The following CSMD1 variants were observed in gnomAD, a reference collection of about 807,000 sequenced individuals.
CSMD1 encodes the protein CUB and Sushi multiple domains 1.
Under a neutral mutation model 417.5 loss-of-function variants are expected in CSMD1, and 213 were observed. The observed-to-expected ratio is 0.51, with a 90% CI of 0.46 to 0.57. The LOEUF is 0.57. Ranked by LOEUF, CSMD1 falls within the 20% of genes least tolerant of loss-of-function variation. The probability of loss-of-function intolerance (pLI) is 0.00; values close to 1 mark genes in which losing one functional copy is unlikely to be tolerated. For missense variants in CSMD1, 6,923 were observed against 4,529.7 expected (o/e 1.53, Z -15.17); for synonymous variants, 2,862 against 1,736.8 (o/e 1.65, Z -16.11).
intron 2 of CSMD1, among the ~76,000 whole-genome samples, chr8:4,522,302 C>A (rs533114990): frequency 6.6e-6 from 1 of 152,176 alleles, no homozygotes; most frequent in Non-Finnish European, 1.5e-5. Context: ...AATTGTGAGG[C>A]CTCCCCAGCC....
At chr8:3,239,868 C>A (rs11136591) in intron 26 of CSMD1, among the ~76,000 whole-genome samples, 9,436 of 151,976 alleles carry the variant, frequency 0.062, 475 homozygotes, top group East Asian at 0.21. Flanking sequence ...GTGTGGTATC[C>A]AGAATAATGT....
Position 3,106,565 on chromosome 8 carries a change from G to T in CSMD1, c.6912C>A (p.Ser2304=), listed in dbSNP as rs1816162923. 6.2e-7 allele frequency: 1 copy of T among 1,613,692 alleles called. No individual in the cohort carries two copies. Among genetic ancestry groups the T allele is most frequent in the Non-Finnish European group, 8.5e-7 (1 of 1,179,780 alleles). ...GTDILTCKLS[S]QLQFEGSLPT... is the part of the protein sequence containing the mutation. The stretch of plus-strand genomic sequence containing the variant: ...GGAGAGAACCCTCAAACTGCAACTG[G>T]GAACTGAGCTTGCAAGTCAGAATGT... Residue 2304 remains serine, a synonymous_variant, in exon 46 of 70, where the codon TCC becomes TCA. Transcript: ENST00000635120.
At chr8:3,630,145 G>C (rs1315062585) in intron 7 of CSMD1, among the ~76,000 whole-genome samples, 1 of 152,200 alleles carries the variant, frequency 6.6e-6, no homozygotes, top group Non-Finnish European at 1.5e-5. Context: ...TCAACATCCA[G>C]TCAGTGAAAT....
At chr8:4,648,642 T>G (rs1466762174) in intron 1 of CSMD1, among the ~76,000 whole-genome samples, 1 of 152,210 alleles carries the variant, frequency 6.6e-6, no homozygotes, top group Non-Finnish European at 1.5e-5. Flanking sequence ...ACCATTTACG[T>G]TGCTCATTTC....
chr8:3,701,372 G>C (rs902407482), intron 7 of CSMD1, among the ~76,000 whole-genome samples: 1 of 152,070 alleles, frequency 6.6e-6, no homozygotes, highest in African/African-American at 2.4e-5. Context: ...CTTTGTCTCA[G>C]CTTCTACAGA....
chr8:4,910,413 A>T (rs1797572261), intron 1 of CSMD1, among the ~76,000 whole-genome samples: 1 of 152,224 alleles, frequency 6.6e-6, no homozygotes. Flanking sequence ...TTTATTTTTC[A>T]CATTCTGGAG....
chr8:4,930,951 G>T (rs1024506692), intron 1 of CSMD1, among the ~76,000 whole-genome samples: 2 of 152,102 alleles, frequency 1.3e-5, no homozygotes, highest in African/African-American at 4.8e-5. Flanking sequence ...GAAATTTACA[G>T]AAGCTTATGG....
At chr8:3,562,954 T>A (rs974958767) in intron 10 of CSMD1, among the ~76,000 whole-genome samples, 1 of 152,056 alleles carries the variant, frequency 6.6e-6, no homozygotes, top group Admixed American at 6.6e-5. Context: ...ATTTAGTAAT[T>A]ATTTTTAATT....
At chr8:3,272,048 G>T (rs532889770) in intron 26 of CSMD1, among the ~76,000 whole-genome samples, 3 of 151,048 alleles carry the variant, frequency 2.0e-5, no homozygotes, top group African/African-American at 7.3e-5. Context: ...TTCTTCTAGG[G>T]TTTTTATGGT....
rs1189274006 is a variant in CSMD1, at chr8:4,317,715, C to T, written c.415+102238G>A. ...GAAGTGAGGTAACATAAAAGAGAAG[C>T]GATAGCTCAGCTGAGTACATGTCTG... On this transcript the variant is annotated intron_variant, in intron 3 of 69. Coordinates refer to ENST00000635120, the MANE Select transcript of CSMD1 (RefSeq NM_033225.6). Among the ~76,000 whole-genome samples, 10 of 152,006 alleles carry T rather than the reference C, an allele frequency of 6.6e-5. No homozygotes were observed. The East Asian group carries it at 1.2e-3, about 18-fold the overall frequency.
rs190756205 is a variant in CSMD1 at position 3,526,621 on chromosome 8, A to T, written c.1345-32895T>A. 3.9e-3 allele frequency among the ~76,000 whole-genome samples: 598 copies of T among 152,244 alleles called. 3 individuals carry two copies. Among genetic ancestry groups the T allele is most frequent in the South Asian group, 0.025 (119 of 4,822 alleles). On this transcript the variant is annotated intron_variant, in intron 10 of 69. Transcript: ENST00000635120. ...TGTGATCCTACAAGTATTAGTAAAT[A>T]ATTTTTCCAAGGTACCTTCCCGATC... is the stretch of plus-strand genomic sequence containing the variant.
chr8:4,728,752 G>A (rs1281996961), intron 1 of CSMD1, among the ~76,000 whole-genome samples: 2 of 151,646 alleles, frequency 1.3e-5, no homozygotes, highest in Non-Finnish European at 2.9e-5. Flanking sequence ...ATTTCTAAAT[G>A]TCTGCTGAAA....
At chr8:4,847,453 A>G (rs572077608) in intron 1 of CSMD1, among the ~76,000 whole-genome samples, 2 of 151,922 alleles carry the variant, frequency 1.3e-5, no homozygotes, top group Non-Finnish European at 2.9e-5. Context: ...TGTAGATTGT[A>G]CAGAGAATTT....
chr8:4,522,291 T>C (rs112376852), intron 2 of CSMD1, among the ~76,000 whole-genome samples: 120 of 152,336 alleles, frequency 7.9e-4, no homozygotes, highest in African/African-American at 2.8e-3. Flanking sequence ...CCTTCTGCCA[T>C]AATTGTGAGG....
rs370109718 is a variant in CSMD1, at chr8:3,948,951, C to T, written c.818+48952G>A. Among the ~76,000 whole-genome samples the T allele has an allele frequency of 5.9e-5, 9 of 151,932 alleles. No homozygotes were observed. In the East Asian group the frequency reaches 1.2e-3, roughly 20 times the overall value. On this transcript the variant is annotated intron_variant, in intron 5 of 69. Coordinates refer to ENST00000635120, the MANE Select transcript of CSMD1 (RefSeq NM_033225.6). ...CATTAGTAGAATAACTGAGGATGGG[C>T]TACTGGAAAATATTTATCACCAGGG...
rs924832344 is a variant in CSMD1 at position 4,541,808 on chromosome 8, A to G, written c.302+95534T>C. On this transcript the variant is annotated intron_variant, in intron 2 of 69. Coordinates refer to ENST00000635120, the MANE Select transcript of CSMD1 (RefSeq NM_033225.6). Reference sequence around the variant, plus strand: ...CCATGCTTGACCAAAAATAATAATAATAAGTGGAATTCTCAATAAATCCTG... The same window carrying G: ...CCATGCTTGACCAAAAATAATAATAGTAAGTGGAATTCTCAATAAATCCTG... Among the ~76,000 whole-genome samples, 27 of 152,128 alleles carry G rather than the reference A, an allele frequency of 1.8e-4. 1 individual carries two copies. Among genetic ancestry groups the G allele is most frequent in the Non-Finnish European group, 3.7e-4 (25 of 68,018 alleles).
chr8:3,966,223 G>T (rs923821402), intron 5 of CSMD1, among the ~76,000 whole-genome samples: 2 of 152,098 alleles, frequency 1.3e-5, no homozygotes, highest in African/African-American at 4.8e-5. Flanking sequence ...CAGCTTATTG[G>T]CTAAATGATT....
At chr8:4,261,846 G>C (rs1012642497) in intron 3 of CSMD1, among the ~76,000 whole-genome samples, 4 of 152,040 alleles carry the variant, frequency 2.6e-5, no homozygotes, top group South Asian at 4.2e-4. Flanking sequence ...TAAAGATTTT[G>C]TTCATTATAC....
Position 4,516,595 on chromosome 8 carries a change from G to C in CSMD1, c.303-96530C>G, listed in dbSNP as rs374062773. On this transcript the variant is annotated intron_variant, in intron 2 of 69. Coordinates refer to ENST00000635120, the MANE Select transcript of CSMD1 (RefSeq NM_033225.6). Reference sequence around the variant, plus strand: ...CCTCTGGAAGAGCTTGTGTTGTATGGGGTCTCCCTTCTCATGCAAGCATCG... The same window carrying C: ...CCTCTGGAAGAGCTTGTGTTGTATGCGGTCTCCCTTCTCATGCAAGCATCG... Among the ~76,000 whole-genome samples the C allele has an allele frequency of 2.8e-4, 43 of 152,202 alleles. No individual in the cohort carries two copies. The East Asian group carries it at 7.2e-3, about 25-fold the overall frequency.
Sources: allele counts gnomAD v4.1 joint callset (sites outside exome capture counted in the v4.1 genomes callset), GRCh38; gene constraint gnomAD v4.1.1; transcripts MANE v1.5; gene names NCBI Gene and HGNC (gene_info 2026-07-23, HGNC 2026-07-21).